The following FSD1L variants were observed in gnomAD, a reference collection of about 807,000 sequenced individuals.
The protein encoded by FSD1L is FSD1-like protein.
A neutral mutation model predicts 71.6 loss-of-function variants in FSD1L; 45 were observed. The observed-to-expected ratio is 0.63, with a 90% CI of 0.49 to 0.81. FSD1L has a LOEUF of 0.81. Among genes scored for constraint, FSD1L ranks in the 30% least tolerant of loss-of-function variants. The pLI, the probability that FSD1L is intolerant of heterozygous loss-of-function variation, is 0.00. For missense variants in FSD1L, 561 were observed against 618.1 expected, an observed-to-expected ratio of 0.91 and a Z score of 0.98; for synonymous variants, 197 against 207.2, an observed-to-expected ratio of 0.95 and a Z score of 0.42.
chr9:105,457,420 A>G (rs141144784), intron 1 of FSD1L, among the ~76,000 whole-genome samples: 55 of 152,322 alleles, frequency 3.6e-4, no homozygotes, highest in African/African-American at 1.3e-3. Context: ...AGGAAGAGTG[A>G]TGCTATCATT....
chr9:105,530,711 G>A (rs1257965708), intron 10 of FSD1L: 4 of 491,708 alleles, frequency 8.1e-6, no homozygotes, highest in African/African-American at 8.0e-5. Context: ...AACTATCAGT[G>A]TATTTTGAAA....
intron 10 of FSD1L, chr9:105,522,013 T>C (rs1057196773): frequency 6.2e-7 from 1 of 1,613,062 alleles, no homozygotes; most frequent in African/African-American, 1.3e-5. Context: ...CTTGTGTTGC[T>C]CAGAGTCACG....
the FSD1L span, among the ~76,000 whole-genome samples, chr9:105,442,709 T>A: frequency 6.6e-6 from 1 of 151,862 alleles, no homozygotes; most frequent in South Asian, 2.1e-4. Context: ...AAAAAAGTTA[T>A]TTCTACCAGG....
chr9:105,449,998 ATT>A (rs1449557047), intron 1 of FSD1L, among the ~76,000 whole-genome samples: 1 of 152,198 alleles, frequency 6.6e-6, no homozygotes, highest in Non-Finnish European at 1.5e-5. Flanking sequence ...AATATGTTGA[ATT>A]TCATTGGTGG....
intron 7 of FSD1L, among the ~76,000 whole-genome samples, chr9:105,492,419 A>G (rs540806361): frequency 2.6e-5 from 4 of 152,134 alleles, no homozygotes; most frequent in African/African-American, 9.6e-5. Context: ...CTAGGAGTCT[A>G]TCAATTTTGT....
intron 13 of FSD1L, among the ~76,000 whole-genome samples, chr9:105,544,819 G>A (rs932975184): frequency 6.6e-6 from 1 of 152,116 alleles, no homozygotes; most frequent in Non-Finnish European, 1.5e-5. Context: ...ATGCTGTTTT[G>A]GTTCCTGTAG....
intron 7 of FSD1L, among the ~76,000 whole-genome samples, chr9:105,504,920 A>G (rs1833962724): frequency 6.6e-6 from 1 of 152,224 alleles, no homozygotes; most frequent in South Asian, 2.1e-4. Flanking sequence ...GCATGATAAT[A>G]CAGAAAGTTA....
intron 2 of FSD1L, among the ~76,000 whole-genome samples, chr9:105,462,171 G>C (rs1437282046): frequency 6.6e-6 from 1 of 150,766 alleles, no homozygotes; most frequent in Non-Finnish European, 1.5e-5. Context: ...CTTTTTTTTG[G>C]TACCAATGTT....
intron 5 of FSD1L, among the ~76,000 whole-genome samples, chr9:105,476,530 A>G (rs1235081406): frequency 6.6e-6 from 1 of 152,234 alleles, no homozygotes; most frequent in African/African-American, 2.4e-5. Flanking sequence ...TGAGTTATGA[A>G]GAAGCTGCAA....
At chr9:105,528,030 G>A (rs1394810399) in intron 10 of FSD1L, among the ~76,000 whole-genome samples, 1 of 152,118 alleles carries the variant, frequency 6.6e-6, no homozygotes, top group African/African-American at 2.4e-5. Context: ...AATCATGAGT[G>A]AACTCTTATT....
chr9:105,544,745 G>C (rs1281370469), intron 13 of FSD1L, among the ~76,000 whole-genome samples: 1 of 152,074 alleles, frequency 6.6e-6, no homozygotes, highest in Non-Finnish European at 1.5e-5. Flanking sequence ...GTTGATGTGT[G>C]GTATTATTTC....
intron 10 of FSD1L, among the ~76,000 whole-genome samples, chr9:105,519,716 A>C (rs1019174343): frequency 6.6e-6 from 1 of 152,224 alleles, no homozygotes; most frequent in African/African-American, 2.4e-5. Context: ...AAAAACTGGA[A>C]GCATTCACTT....
chr9:105,546,781 CT>C lies in FSD1L; in HGVS notation c.*299del, dbSNP rs1429722539. On this transcript the variant is annotated 3_prime_UTR_variant, in exon 14 of 14. Transcript: ENST00000481272. ...TATTTCTTGGATTACTTTGACTATTCTAATGTTTAATTACATATGGTAACCC... is the reference window on the plus strand; with the variant it reads ...TATTTCTTGGATTACTTTGACTATTCAATGTTTAATTACATATGGTAACCC... 1 of 179,556 alleles carries C rather than the reference CT, an allele frequency of 5.6e-6. No homozygotes were observed. Among genetic ancestry groups the C allele is most frequent in the Non-Finnish European group, 1.1e-5 (1 of 88,196 alleles). The allele number at this position is 179,556 out of a possible 1,614,324, so 11.1% of individuals were successfully genotyped here.
intron 6 of FSD1L, among the ~76,000 whole-genome samples, chr9:105,482,357 T>C (rs190449667): frequency 3.3e-4 from 50 of 152,310 alleles, no homozygotes; most frequent in Admixed American, 4.6e-4. Context: ...GCAGGAGTTA[T>C]TGGTTCTTGA....
chr9:105,535,334 C>A lies in FSD1L; in HGVS notation c.1378+16C>A. On this transcript the variant is annotated intron_variant, in intron 12 of 13. Transcript: ENST00000481272. ...TTTGATGGGGGTAAGTTTATTTTCT[C>A]GTAGGTTATTTCATCATAGTTGCTT... 1.3e-6 allele frequency: 2 copies of A among 1,550,264 alleles called. No individual in the cohort carries two copies. Among genetic ancestry groups the A allele is most frequent in the South Asian group, 1.2e-5 (1 of 83,800 alleles).
intron 7 of FSD1L, among the ~76,000 whole-genome samples, chr9:105,488,968 A>G (rs1832736217): frequency 6.6e-6 from 1 of 152,144 alleles, no homozygotes; most frequent in Non-Finnish European, 1.5e-5. Context: ...ATTTTATTCT[A>G]AACCTTCTTA....
At chr9:105,529,825 A>G (rs181648011) in intron 10 of FSD1L, among the ~76,000 whole-genome samples, 25 of 152,146 alleles carry the variant, frequency 1.6e-4, no homozygotes, top group Admixed American at 1.2e-3. Context: ...CTGGAGCAAG[A>G]GTCCTGAGAC....
At chr9:105,522,059 A>G (rs1273989077) in intron 10 of FSD1L, 28 of 1,613,030 alleles carry the variant, frequency 1.7e-5, no homozygotes, top group Non-Finnish European at 2.1e-5. Context: ...AAGCTTTTCT[A>G]CAGTTCCAAG....
intron 7 of FSD1L, among the ~76,000 whole-genome samples, chr9:105,494,521 C>T (rs1169875880): frequency 3.9e-5 from 6 of 152,214 alleles, no homozygotes; most frequent in African/African-American, 1.4e-4. Context: ...ATTCTCCATT[C>T]AGCTTTGCTC....
Sources: allele counts gnomAD v4.1 joint callset (sites outside exome capture counted in the v4.1 genomes callset), GRCh38; gene constraint gnomAD v4.1.1; transcripts MANE v1.5; gene names NCBI Gene and HGNC (gene_info 2026-07-23, HGNC 2026-07-21).